Variants in AP3B2 observed in about 807,000 individuals in gnomAD.
The protein encoded by AP3B2 is AP-3 complex subunit beta-2.
A neutral mutation model predicts 126.9 loss-of-function variants in AP3B2; 50 were observed. That is an observed-to-expected ratio of 0.39 (90% confidence interval 0.31 to 0.50). The LOEUF (loss-of-function observed/expected upper bound fraction) is 0.50, where lower values mean the gene tolerates loss of function less well. AP3B2 is among the 20% of genes least tolerant of loss of function. The pLI is 0.79. For synonymous variants in AP3B2, 541 were observed against 565.0 expected (o/e 0.96, Z 0.60); for missense variants, 1,177 against 1,426.4 (o/e 0.83, Z 2.82).
chr15:82,683,718 TGA>T (rs902586713), intron 4 of AP3B2, among the ~76,000 whole-genome samples: 5 of 152,226 alleles, frequency 3.3e-5, no homozygotes, highest in African/African-American at 1.2e-4. Context: ...TCCAGATCCA[TGA>T]GAGGAATCAC....
chr15:82,684,057 A>G (rs1002125026), intron 4 of AP3B2, among the ~76,000 whole-genome samples: 1 of 152,176 alleles, frequency 6.6e-6, no homozygotes. Flanking sequence ...CATAATTCTT[A>G]AGGACCCCAG....
intron 10 of AP3B2, among the ~76,000 whole-genome samples, chr15:82,678,998 T>TG (rs1231226926): frequency 6.6e-6 from 1 of 152,164 alleles, no homozygotes; most frequent in African/African-American, 2.4e-5. Context: ...TGTCCGTGAA[T>TG]GTTTGCAGGA....
chr15:82,659,808 C>G, intron 26 of AP3B2, 37 bp downstream of exon 26: 1 of 1,610,772 alleles, frequency 6.2e-7, no homozygotes, highest in Non-Finnish European at 8.5e-7. Context: ...CCAGGGCCCC[C>G]ATGCTCATCA....
rs766645528 is a variant in AP3B2, at chr15:82,665,477, G to A, written c.1951C>T (p.Pro651Ser). 2 of 1,613,124 alleles carry A rather than the reference G, an allele frequency of 1.2e-6. No individual in the cohort carries two copies. The highest frequency in any genetic ancestry group is 2.2e-5 in the East Asian group (1 of 44,834). The part of the protein sequence containing the change: ...LPDWPEEAPD[P>S]SVRNVEEEDL... ...CTGACCTCCACGTTGCGCACAGATG[G>A]GTCTGGGGCTTCCTCCGGCCAGTCT... The change falls in exon 16 of 27, where the codon CCA becomes TCA. Residue 651 changes from proline (P) to serine (S), a missense_variant. Pro to Ser is a moderately conservative substitution (Grantham distance 74). Coordinates refer to ENST00000535359, the MANE Select transcript of AP3B2 (RefSeq NM_001278512.2). This position sits in a 1 kb window ranked among gnomAD's most constrained non-coding sequence, Gnocchi z 4.4.
rs2048017897 is a variant in AP3B2, at chr15:82,664,545, G to C, written c.2138-55C>G. The C allele has an allele frequency of 6.4e-7, 1 of 1,568,620 alleles. No homozygotes were observed. Among genetic ancestry groups the C allele is most frequent in the Non-Finnish European group, 8.6e-7 (1 of 1,158,094 alleles). On this transcript the variant is annotated intron_variant, in intron 18 of 26. Transcript: ENST00000535359. This position sits in a 1 kb window ranked among gnomAD's most constrained non-coding sequence, Gnocchi z 4.5. ...CTCATATGCAGGCCTCCTTGGGTCTGGAGCAGACACCTGGGTTCCACCTTC... is the reference window on the plus strand; with the variant it reads ...CTCATATGCAGGCCTCCTTGGGTCTCGAGCAGACACCTGGGTTCCACCTTC...
At chr15:82,708,538 T>C (rs1326682012) in intron 1 of AP3B2, among the ~76,000 whole-genome samples, 1 of 152,098 alleles carries the variant, frequency 6.6e-6, no homozygotes, top group East Asian at 1.9e-4. Context: ...ATGCCAGGCC[T>C]GTGAACTTCA....
rs1426738688 is a variant in AP3B2 at position 82,664,867 on chromosome 15, C to T, written c.2105G>A (p.Gly702Glu). ...TGCGGACTCCGTGGGGCCTGACTCC[C>T]CCTCAGAGTCCGAGTAGAAGGGTTT... ...KEKPFYSDSEGESGPTESADS... is the reference protein window; with the variant it reads ...KEKPFYSDSEEESGPTESADS... The change falls in exon 18 of 27, where the codon GGG becomes GAG. Residue 702 changes from glycine to glutamate, a missense_variant. Gly to Glu is a moderately conservative substitution (Grantham distance 98). Coordinates refer to ENST00000535359, the MANE Select transcript of AP3B2 (RefSeq NM_001278512.2). The surrounding 1 kb of genome is among the most constrained non-coding windows in gnomAD (Gnocchi z 4.5). 3 of 1,602,142 alleles carry T rather than the reference C, an allele frequency of 1.9e-6. No individual in the cohort carries two copies.
intron 1 of AP3B2, chr15:82,692,392 C>T (rs2048553993): frequency 4.0e-6 from 2 of 494,898 alleles, no homozygotes; most frequent in Admixed American, 8.5e-5. Flanking sequence ...CCGCAATCCC[C>T]CCGCAGCGTC....
intron 13 of AP3B2, among the ~76,000 whole-genome samples, 167 bp downstream of exon 13, chr15:82,677,107 C>A (rs963517051): frequency 2.0e-5 from 3 of 152,308 alleles, no homozygotes; most frequent in Admixed American, 2.0e-4. Flanking sequence ...GAAAGCAAAT[C>A]AGGGGTAACA....
In AP3B2 at chr15:82,665,376, AACAC is replaced by A. The variant is rs60428596; in HGVS notation, c.1971+77_1972-74del. 22,258 of 1,233,694 alleles carry A rather than the reference AACAC, an allele frequency of 0.018. 239 individuals are homozygous for A. The highest frequency in any genetic ancestry group is 0.054 in the African/African-American group (3,073 of 57,152). 76.4% of individuals were successfully genotyped at this position (1,233,694 alleles called of 1,614,324 possible). The stretch of plus-strand genomic sequence containing the variant: ...GGGCTCCCTACTGTCTGCCCCCACC[AACAC>A]ACACACACACACACACACACACACA... On this transcript the variant is annotated intron_variant, in intron 16 of 26. Transcript: ENST00000535359. The surrounding 1 kb of genome is among the most constrained non-coding windows in gnomAD (Gnocchi z 4.4).
At chr15:82,661,136 C>T (rs2047938415) in intron 25 of AP3B2, among the ~76,000 whole-genome samples, 1 of 152,138 alleles carries the variant, frequency 6.6e-6, no homozygotes, top group Admixed American at 6.6e-5. Flanking sequence ...TCAGGTTTTC[C>T]CCCAAGGTTC....
rs765911080 is a variant in AP3B2 at position 82,677,346 on chromosome 15, TTTC to T, written c.1413_1415del (p.Lys472del). ...GTTGTGCTGGCTGCATCTGTAGCAA[TTTC>T]TTAATGACGACCACTGACTCTGCAA... is the stretch of plus-strand genomic sequence containing the variant. On this transcript the variant is annotated inframe_deletion, in exon 13 of 27. Coordinates refer to ENST00000535359, the MANE Select transcript of AP3B2 (RefSeq NM_001278512.2). 1 of 1,614,008 alleles carries T rather than the reference TTTC, an allele frequency of 6.2e-7. No individual in the cohort carries two copies.
At chr15:82,704,379 C>A (rs562365543) in intron 1 of AP3B2, among the ~76,000 whole-genome samples, 130 of 152,294 alleles carry the variant, frequency 8.5e-4, no homozygotes, top group Middle Eastern at 6.8e-3. Context: ...TAAAGGCAGC[C>A]AAGTAGCAAT....
chr15:82,666,678 C>G (rs2048064987), intron 15 of AP3B2, 69 bp downstream of exon 15: 1 of 1,533,062 alleles, frequency 6.5e-7, no homozygotes, highest in Admixed American at 2.0e-5. Context: ...TCAGGAAGGT[C>G]TGGGGCAGAG....
intron 14 of AP3B2, among the ~76,000 whole-genome samples, chr15:82,672,211 C>CT (rs1279646649): frequency 6.6e-6 from 1 of 152,136 alleles, no homozygotes; most frequent in Admixed American, 6.5e-5. Flanking sequence ...ACTTAAGTGT[C>CT]TATCAACAGA....
Position 82,665,570 on chromosome 15 carries a change from C to A in AP3B2, c.1858G>T (p.Asp620Tyr). The change falls in exon 16 of 27, where the codon GAC (aspartate) becomes TAC (tyrosine). Residue 620 changes from aspartate (D) to tyrosine (Y), a missense_variant. Around this residue, in one of 5 missense-constraint regions of AP3B2, gnomAD observed 308 missense variants for 452.4 expected, o/e 0.68. Transcript: ENST00000535359. This position sits in a 1 kb window ranked among gnomAD's most constrained non-coding sequence, Gnocchi z 4.4. ...PVLESSFKDRDHFQLGSLSHL... is the reference protein window; with the variant it reads ...PVLESSFKDRYHFQLGSLSHL... The stretch of plus-strand genomic sequence containing the variant: ...GACAGTGAGCCCAGCTGGAAGTGGT[C>A]CCGGTCTAGGGATAGGTTTAGAGGT... 1 of 1,612,968 alleles carries A rather than the reference C, an allele frequency of 6.2e-7. No individual in the cohort carries two copies. Among genetic ancestry groups the A allele is most frequent in the Non-Finnish European group, 8.5e-7 (1 of 1,179,170 alleles).
chr15:82,689,183 T>C lies in AP3B2; in HGVS notation c.239A>G (p.Lys80Arg). Residue 80 changes from lysine to arginine, a missense_variant, in exon 3 of 27, where the codon AAG (lysine) becomes AGG (arginine). This residue lies in a region of AP3B2 where 130 missense variants were observed against 262.0 expected (regional missense o/e 0.50). Coordinates refer to ENST00000535359, the MANE Select transcript of AP3B2 (RefSeq NM_001278512.2). ...CTCTATGTTCTTACAGGCCACGTTC[T>C]TCACCACCGCGGGAAACAGGTCTGA... ...NASDLFPAVV[K>R]NVACKNIEVK... 1 of 1,614,010 alleles carries C rather than the reference T, an allele frequency of 6.2e-7. No homozygotes were observed. The highest frequency in any genetic ancestry group is 8.5e-7 in the Non-Finnish European group (1 of 1,179,890).
rs200770212 is a variant in AP3B2, at chr15:82,679,834, G to A, written c.1111-34C>T. 1.6e-3 allele frequency: 2,481 copies of A among 1,597,470 alleles called. 6 individuals carry two copies. Among genetic ancestry groups the A allele is most frequent in the Non-Finnish European group, 1.9e-3 (2,211 of 1,165,256 alleles). ...AGAGAGGCAGCTAGGGAGCTCCACC[G>A]AAGCCCCAGGCCTGCCTCGCTGCCC... On this transcript the variant is annotated intron_variant, in intron 9 of 26. Transcript: ENST00000535359.
At chr15:82,688,632 G>A in intron 4 of AP3B2, 104 bp downstream of exon 4, 1 of 1,066,540 alleles carries the variant, frequency 9.4e-7, no homozygotes, top group East Asian at 2.6e-5. Flanking sequence ...GTAGGAAGGG[G>A]TCTGCAGAGC....
Sources: allele counts gnomAD v4.1 joint callset (sites outside exome capture counted in the v4.1 genomes callset), GRCh38; gene constraint gnomAD v4.1.1; regional missense constraint gnomAD v4.1.1; non-coding constraint Gnocchi (gnomAD v3.1); transcripts MANE v1.5; gene names NCBI Gene and HGNC (gene_info 2026-07-23, HGNC 2026-07-21).